Variants in DOCK5 observed in about 807,000 individuals in gnomAD.
The protein encoded by DOCK5 is dedicator of cytokinesis 5.
In DOCK5, 142 loss-of-function variants were observed where a neutral mutation model predicts 251.8. The observed-to-expected ratio is 0.56, with a 90% confidence interval of 0.49 to 0.65. The LOEUF is 0.65. DOCK5 is among the 30% of genes least tolerant of loss of function. The probability of loss-of-function intolerance (pLI) is 0.00; values close to 1 mark genes in which losing one functional copy is unlikely to be tolerated. For missense variants in DOCK5, 2,111 were observed against 2,312.3 expected (o/e 0.91, Z 1.79); for synonymous variants, 842 against 835.5 (o/e 1.01, Z -0.13).
At chr8:25,231,657 G>T (rs1024362579) in intron 1 of DOCK5, among the ~76,000 whole-genome samples, 1 of 152,012 alleles carries the variant, frequency 6.6e-6, no homozygotes, top group Non-Finnish European at 1.5e-5. Context: ...ATTATCCTTT[G>T]TAATTAATAT....
Position 25,374,566 on chromosome 8 carries a change from A to G in DOCK5, c.3728A>G (p.Tyr1243Cys). The G allele has an allele frequency of 1.9e-6, 3 of 1,600,362 alleles. No individual in the cohort carries two copies. The highest frequency in any genetic ancestry group is 8.5e-7 in the Non-Finnish European group (1 of 1,175,936). ...CTTCCTTCTCCCCTTCTTGCCAGAT[A>G]TCTGTACAAGCTTCGAGATTTGCAC... ...EKKREDIYIRYLYKLRDLHRD... is the reference protein window; with the variant it reads ...EKKREDIYIRCLYKLRDLHRD... The change falls in exon 37 of 52, where the codon TAT becomes TGT. Residue 1243 changes from tyrosine (Y) to cysteine (C), a missense_variant and splice_region_variant. By Grantham distance (194) the Tyr-to-Cys change is radical. Transcript: ENST00000276440.
chr8:25,341,603 C>T, intron 23 of DOCK5, 136 bp from the exon 24 acceptor site: 1 of 728,372 alleles, frequency 1.4e-6, no homozygotes, highest in Non-Finnish European at 2.3e-6. Context: ...GCCAGCTTTC[C>T]TTTTTATTGT....
intron 20 of DOCK5, 22 bp downstream of exon 20, chr8:25,332,714 C>T (rs1055005251): frequency 1.3e-6 from 2 of 1,568,482 alleles, no homozygotes; most frequent in African/African-American, 1.4e-5. Flanking sequence ...AACATATTAA[C>T]TAGTGTTTAT....
At chr8:25,245,933 T>C (rs1803092525) in intron 2 of DOCK5, among the ~76,000 whole-genome samples, 1 of 152,216 alleles carries the variant, frequency 6.6e-6, no homozygotes, top group Admixed American at 6.5e-5. Flanking sequence ...TCTCTGTTAC[T>C]GATAGAACTG....
chr8:25,398,568 G>A (rs1801385395), intron 45 of DOCK5, among the ~76,000 whole-genome samples: 2 of 152,208 alleles, frequency 1.3e-5, no homozygotes, highest in African/African-American at 2.4e-5. Flanking sequence ...TTCCAAGGAT[G>A]TGTGAAAGAA....
In DOCK5 at chr8:25,199,235, A is replaced by T. The variant is rs1801813413; in HGVS notation, c.43+14284A>T. Among the ~76,000 whole-genome samples, 5 of 152,184 alleles carry T rather than the reference A, an allele frequency of 3.3e-5. No homozygotes were observed. The South Asian group carries it at 1.0e-3, about 31-fold the overall frequency. ...AAGGGTCATGTATTGCTAATAAAGG[A>T]TTATGTTAGTAACCTGGATGTGAGA... is the stretch of plus-strand genomic sequence containing the variant. On this transcript the variant is annotated intron_variant, in intron 1 of 51. Transcript: ENST00000276440.
At chr8:25,340,445 C>A (rs906899791) in intron 22 of DOCK5, among the ~76,000 whole-genome samples, 1 of 152,174 alleles carries the variant, frequency 6.6e-6, no homozygotes, top group Non-Finnish European at 1.5e-5. Flanking sequence ...TCATTTGGGA[C>A]TTTTGTGTGT....
At chr8:25,336,741 A>T (rs184281150) in intron 22 of DOCK5, among the ~76,000 whole-genome samples, 95 of 152,290 alleles carry the variant, frequency 6.2e-4, no homozygotes, top group Admixed American at 4.8e-3. Context: ...GTTGCCTGAG[A>T]TGAGTGTTTC....
chr8:25,346,941 A>G (rs1800381074), intron 26 of DOCK5, among the ~76,000 whole-genome samples: 1 of 152,136 alleles, frequency 6.6e-6, no homozygotes, highest in South Asian at 2.1e-4. Flanking sequence ...AACTTTGCAG[A>G]ATGTGTTCAC....
intron 34 of DOCK5, among the ~76,000 whole-genome samples, chr8:25,370,635 C>G (rs1447504516): frequency 1.3e-5 from 2 of 152,040 alleles, no homozygotes; most frequent in South Asian, 2.1e-4. Context: ...CTCCCAAGTA[C>G]TAGGACTACA....
chr8:25,291,682 C>CAAAAAA (rs5890216), intron 5 of DOCK5, among the ~76,000 whole-genome samples: 1 of 118,312 alleles, frequency 8.5e-6, no homozygotes, highest in Non-Finnish European at 1.7e-5. Context: ...GACTCCGTCT[C>CAAAAAA]AAAAAAAAAA....
intron 1 of DOCK5, among the ~76,000 whole-genome samples, chr8:25,196,122 G>A (rs1221593852): frequency 6.6e-6 from 1 of 152,224 alleles, no homozygotes; most frequent in Non-Finnish European, 1.5e-5. Flanking sequence ...TGTGGGGTGG[G>A]TGAGGACTTA....
rs1174394236 is a variant in DOCK5 at position 25,342,473 on chromosome 8, C to T, written c.2583C>T (p.Thr861=). 3 of 1,598,058 alleles carry T rather than the reference C, an allele frequency of 1.9e-6. No individual in the cohort carries two copies. In the South Asian group the frequency reaches 3.4e-5, roughly 18 times the overall value. The change falls in exon 25 of 52, where the codon ACC becomes ACT. Residue 861 remains threonine (T), a synonymous_variant. Transcript: ENST00000276440. ...QLVRQKLNCM[T]KIVESTLFRQ... is the part of the protein sequence containing the mutation. ...TTCGGCAGAAACTTAACTGCATGACCAAGATAGTAGAGAGCACTCTTTTTC... is the reference window on the plus strand; with the variant it reads ...TTCGGCAGAAACTTAACTGCATGACTAAGATAGTAGAGAGCACTCTTTTTC...
chr8:25,269,932 C>T (rs1299761417), intron 3 of DOCK5, among the ~76,000 whole-genome samples: 1 of 152,160 alleles, frequency 6.6e-6, no homozygotes, highest in Non-Finnish European at 1.5e-5. Flanking sequence ...TGATGTTACA[C>T]ACCCAACTCT....
Position 25,198,397 on chromosome 8 carries a change from C to A in DOCK5, c.43+13446C>A, listed in dbSNP as rs986475357. On this transcript the variant is annotated intron_variant, in intron 1 of 51. Transcript: ENST00000276440. ...GACCAGCCTGGCCAACATGGTGAAA[C>A]CCCATCTCGACTAAAAATACAAAAA... Among the ~76,000 whole-genome samples the A allele has an allele frequency of 5.9e-5, 9 of 152,022 alleles. No homozygotes were observed. The East Asian group carries it at 1.7e-3, about 29-fold the overall frequency.
intron 25 of DOCK5, among the ~76,000 whole-genome samples, chr8:25,343,298 G>A (rs191120565): frequency 1.3e-5 from 2 of 151,904 alleles, no homozygotes; most frequent in Admixed American, 6.6e-5. Context: ...CATAATTACC[G>A]TGCCCAGTCA....
At chr8:25,363,000 A>C (rs553986495) in intron 28 of DOCK5, 47 bp from the exon 29 acceptor site, 1 of 1,439,064 alleles carries the variant, frequency 6.9e-7, no homozygotes, top group Non-Finnish European at 9.8e-7. Context: ...AATAAAGACT[A>C]TGAACGTAAC....
chr8:25,375,569 A>T (rs867025347), intron 37 of DOCK5: 5 of 489,218 alleles, frequency 1.0e-5, no homozygotes, highest in Non-Finnish European at 1.3e-5. Flanking sequence ...CCTGACTACC[A>T]CCTTGGTCCA....
At chr8:25,241,850 G>T (rs1022829220) in intron 1 of DOCK5, among the ~76,000 whole-genome samples, 1 of 152,148 alleles carries the variant, frequency 6.6e-6, no homozygotes, top group African/African-American at 2.4e-5. Flanking sequence ...CATGTCCTTT[G>T]CAGGGACATG....
Sources: gnomAD v4.1 joint callset for allele counts (sites outside exome capture counted in the v4.1 genomes callset) on GRCh38, gnomAD v4.1.1 for gene constraint, MANE v1.5 for transcripts, NCBI Gene and HGNC (gene_info 2026-07-23, HGNC 2026-07-21) for gene names.